NAE1: variants seen among roughly 807,000 people sequenced by gnomAD.
NAE1 encodes NEDD8-activating enzyme E1 regulatory subunit.
NAE1 carries 59 observed loss-of-function variants against 88.0 expected under a neutral mutation model. That is an observed-to-expected ratio of 0.67 (90% CI 0.54 to 0.83). NAE1 has a LOEUF of 0.83. Among genes scored for constraint, NAE1 ranks in the 40% least tolerant of loss-of-function variants. NAE1 has a pLI of 0.00. For synonymous variants in NAE1, 186 were observed against 208.9 expected (o/e 0.89, Z 0.95); for missense variants, 554 against 632.8 (o/e 0.88, Z 1.34).
chr16:66,823,679 A>G, intron 4 of NAE1, 79 bp from the exon 5 acceptor site: 15 of 1,108,210 alleles, frequency 1.4e-5, no homozygotes, highest in Non-Finnish European at 1.6e-5. Flanking sequence ...GGAACAGGCA[A>G]ACATACTGTA....
In NAE1 at chr16:66,821,465, T is replaced by C. The variant is rs761578026; in HGVS notation, c.496A>G (p.Ile166Val). 6.3e-7 allele frequency: 1 copy of C among 1,575,616 alleles called. No individual in the cohort carries two copies. The highest frequency in any genetic ancestry group is 1.2e-5 in the South Asian group (1 of 82,884). Residue 166 changes from isoleucine (I) to valine (V), a missense_variant, in exon 7 of 20, where the codon ATA (isoleucine) becomes GTA (valine). Physicochemically the swap from Ile to Val is conservative, Grantham distance 29. Coordinates refer to ENST00000290810, the MANE Select transcript of NAE1 (RefSeq NM_003905.4). The part of the protein sequence containing the change: ...YGLVGYMRII[I>V]KEHPVIESHP... The stretch of plus-strand genomic sequence containing the variant: ...ACAATTTTACCTGGATGTTCTTTTA[T>C]AATGATCCTCATATAACCAACTAGT...
chr16:66,814,903 C>G (rs1478612841), intron 11 of NAE1, among the ~76,000 whole-genome samples: 1 of 152,226 alleles, frequency 6.6e-6, no homozygotes, highest in Admixed American at 6.5e-5. Flanking sequence ...TCCAATCACA[C>G]TGACTTGCTT....
intron 11 of NAE1, among the ~76,000 whole-genome samples, chr16:66,815,836 T>C (rs886984486): frequency 6.6e-6 from 1 of 151,704 alleles, no homozygotes; most frequent in Non-Finnish European, 1.5e-5. Flanking sequence ...TAATTTTTTG[T>C]ATTTTTAATA....
At chr16:66,812,513 CTTTTTTTTTTTT>C (rs961953416) in intron 13 of NAE1, among the ~76,000 whole-genome samples, 2 of 103,678 alleles carry the variant, frequency 1.9e-5, no homozygotes, top group Admixed American at 1.1e-4. Context: ...CCCCTAAGTT[CTTTTTTTTTTTT>C]TTTTTTTTTT....
At chr16:66,826,884 T>C in intron 1 of NAE1, 104 bp from the exon 2 acceptor site, 1 of 1,017,042 alleles carries the variant, frequency 9.8e-7, no homozygotes, top group Non-Finnish European at 1.5e-6. Flanking sequence ...ACTGATATGA[T>C]AACCACAGAA....
At position 66,810,735 on chromosome 16, in the gene NAE1, C is replaced by T; in HGVS notation, c.1072G>A (p.Gly358Ser). The T allele has an allele frequency of 6.2e-7, 1 of 1,614,160 alleles. No homozygotes were observed. Among genetic ancestry groups the T allele is most frequent in the South Asian group, 1.1e-5 (1 of 91,072 alleles). ...EKAKKDAAAV[G>S]NHVAKLLQSI... Reference sequence around the variant, plus strand: ...TGCAGCAATTTGGCAACATGATTACCCACAGCGGCAGCATCTTTCTTTGCT... The same window carrying T: ...TGCAGCAATTTGGCAACATGATTACTCACAGCGGCAGCATCTTTCTTTGCT... The change falls in exon 14 of 20, where the codon GGT becomes AGT. Residue 358 changes from glycine to serine, a missense_variant. Gly to Ser is a moderately conservative substitution (Grantham distance 56, BLOSUM62 0). Transcript: ENST00000290810.
intron 6 of NAE1, among the ~76,000 whole-genome samples, chr16:66,822,381 G>C (rs1960298487): frequency 6.6e-6 from 1 of 152,030 alleles, no homozygotes; most frequent in African/African-American, 2.4e-5. Flanking sequence ...GATCAGCCTG[G>C]CCAACATGGT....
chr16:66,822,194 A>G (rs1960289810), intron 6 of NAE1, among the ~76,000 whole-genome samples: 2 of 152,184 alleles, frequency 1.3e-5, no homozygotes, highest in South Asian at 4.1e-4. Flanking sequence ...CTAGTTTTTA[A>G]TCACTAAAAC....
intron 19 of NAE1, 148 bp downstream of exon 19, chr16:66,805,617 AAAACAGTGAGAC>A (rs1319748988): frequency 1.7e-6 from 1 of 581,768 alleles, no homozygotes; most frequent in African/African-American, 1.9e-5. Context: ...CAACCTGGGC[AAAACAGTGAGAC>A]TGCGTCTCAA....
chr16:66,830,534 CG>C (rs1184075526), intron 1 of NAE1, among the ~76,000 whole-genome samples: 3 of 152,214 alleles, frequency 2.0e-5, no homozygotes, highest in Admixed American at 6.5e-5. Context: ...CGGTGCGCCC[CG>C]GGCCTCCCCA....
chr16:66,821,562 GT>G lies in NAE1; in HGVS notation c.402-4del. ...CATCTGCTAAGCGTAGTGAAGTGCT[GT>G]TTAAAAAAAAAAAGCAAAATATGAA... On this transcript the variant is annotated splice_region_variant and splice_polypyrimidine_tract_variant and intron_variant, in intron 6 of 19. Transcript: ENST00000290810. The G allele has an allele frequency of 2.6e-6, 4 of 1,544,006 alleles. No homozygotes were observed. The highest frequency in any genetic ancestry group is 1.4e-5 in the African/African-American group (1 of 71,102).
At chr16:66,825,185 T>C (rs572303271) in intron 3 of NAE1, among the ~76,000 whole-genome samples, 37 of 152,262 alleles carry the variant, frequency 2.4e-4, no homozygotes, top group Non-Finnish European at 5.4e-4. Flanking sequence ...TGGTGGCTCA[T>C]GCCTGTAATC....
intron 7 of NAE1, among the ~76,000 whole-genome samples, chr16:66,820,448 G>C (rs1960204059): frequency 6.6e-6 from 1 of 152,180 alleles, no homozygotes; most frequent in Non-Finnish European, 1.5e-5. Flanking sequence ...CCTAAAGCCT[G>C]CATGAGAATG....
intron 17 of NAE1, 94 bp downstream of exon 17, chr16:66,808,426 CA>C (rs1382427052): frequency 2.3e-6 from 2 of 867,306 alleles, no homozygotes; most frequent in East Asian, 5.3e-5. Flanking sequence ...ATGTGAAATT[CA>C]AGCAACACTA....
intron 3 of NAE1, 92 bp downstream of exon 3, chr16:66,826,430 CT>C: frequency 8.5e-7 from 1 of 1,179,542 alleles, no homozygotes; most frequent in East Asian, 2.4e-5. Flanking sequence ...ATGATTTCCA[CT>C]GAGAGTCGAG....
At chr16:66,807,818 T>TA (rs1334268000) in intron 17 of NAE1, among the ~76,000 whole-genome samples, 5 of 152,152 alleles carry the variant, frequency 3.3e-5, no homozygotes, top group African/African-American at 1.2e-4. Flanking sequence ...AATTCTCCAA[T>TA]GACTACATTT....
At chr16:66,829,609 T>C (rs1373836418) in intron 1 of NAE1, among the ~76,000 whole-genome samples, 1 of 152,176 alleles carries the variant, frequency 6.6e-6, no homozygotes, top group Non-Finnish European at 1.5e-5. Context: ...CTTGGGGACA[T>C]ATAACTTCTG....
chr16:66,807,005 G>A (rs940580112), intron 17 of NAE1, among the ~76,000 whole-genome samples: 2 of 152,138 alleles, frequency 1.3e-5, no homozygotes, highest in South Asian at 2.1e-4. Flanking sequence ...AGCTAGCCAC[G>A]TGAAGAGATA....
intron 13 of NAE1, among the ~76,000 whole-genome samples, chr16:66,811,736 C>T (rs761521248): frequency 6.6e-6 from 1 of 152,128 alleles, no homozygotes; most frequent in Non-Finnish European, 1.5e-5. Flanking sequence ...TACCTTTCAC[C>T]CTCTAAAAAT....
Sources: gnomAD v4.1 joint callset for allele counts (sites outside exome capture counted in the v4.1 genomes callset) on GRCh38, gnomAD v4.1.1 for gene constraint, MANE v1.5 for transcripts, NCBI Gene and HGNC (gene_info 2026-07-23, HGNC 2026-07-21) for gene names.